The following DNAJC1 variants were observed in gnomAD, a reference collection of about 807,000 sequenced individuals.
DNAJC1 encodes dnaJ homolog subfamily C member 1.
Under a neutral mutation model 76.6 loss-of-function variants are expected in DNAJC1, and 58 were observed. The observed-to-expected ratio is 0.76, with a 90% CI of 0.61 to 0.94. DNAJC1 has a LOEUF of 0.94. Ranked by LOEUF, DNAJC1 falls within the 40% of genes least tolerant of loss-of-function variation. DNAJC1 has a pLI of 0.00. For missense variants in DNAJC1, 689 were observed against 677.3 expected (o/e 1.02, Z -0.19); for synonymous variants, 258 against 267.9 (o/e 0.96, Z 0.36).
intron 9 of DNAJC1, among the ~76,000 whole-genome samples, chr10:21,775,331 C>CTTTT (rs34444920): frequency 8.1e-5 from 4 of 49,660 alleles, no homozygotes; most frequent in South Asian, 2.4e-3. Flanking sequence ...CTGCAAATGG[C>CTTTT]TTTTTTTTTT....
chr10:21,895,360 G>A (rs1361100648), intron 7 of DNAJC1, among the ~76,000 whole-genome samples: 2 of 152,112 alleles, frequency 1.3e-5, no homozygotes, highest in African/African-American at 4.8e-5. Context: ...CTGGAAGAAG[G>A]GCCACCCTTG....
chr10:21,840,662 A>C (rs1185575022), intron 8 of DNAJC1, among the ~76,000 whole-genome samples: 5 of 152,342 alleles, frequency 3.3e-5, no homozygotes, highest in South Asian at 2.1e-4. Context: ...AATATCGTGA[A>C]AATGGCCATA....
At chr10:21,814,962 T>A (rs986090649) in intron 8 of DNAJC1, among the ~76,000 whole-genome samples, 5 of 152,204 alleles carry the variant, frequency 3.3e-5, no homozygotes, top group Non-Finnish European at 7.3e-5. Context: ...GGAAAGCAGA[T>A]GCTCTGGATT....
rs532905786 is a variant in DNAJC1, at chr10:21,843,748, T to C, written c.979-37649A>G. Among the ~76,000 whole-genome samples the C allele has an allele frequency of 7.2e-5, 11 of 151,986 alleles. No homozygotes were observed. The East Asian group carries it at 2.1e-3, about 29-fold the overall frequency. On this transcript the variant is annotated intron_variant, in intron 8 of 11. Transcript: ENST00000376980. ...TCAGAAATGATTTTACAATCTTTTT[T>C]TTTTTTTTTAAGAGGAAGTCTCACT...
At chr10:21,827,148 T>C (rs1345700884) in intron 8 of DNAJC1, among the ~76,000 whole-genome samples, 1 of 152,208 alleles carries the variant, frequency 6.6e-6, no homozygotes, top group East Asian at 1.9e-4. Context: ...ACGTTTTCAG[T>C]GTTACTTCAT....
At chr10:21,862,434 T>A (rs1189712621) in intron 8 of DNAJC1, among the ~76,000 whole-genome samples, 2 of 151,070 alleles carry the variant, frequency 1.3e-5, no homozygotes, top group East Asian at 3.9e-4. Flanking sequence ...TACATTTTTT[T>A]TTTTTTTTTT....
intron 9 of DNAJC1, among the ~76,000 whole-genome samples, chr10:21,768,253 T>A (rs2131619827): frequency 6.6e-6 from 1 of 152,380 alleles, no homozygotes; most frequent in East Asian, 1.9e-4. Flanking sequence ...TGTGCTATTA[T>A]ATTTTTCTAT....
chr10:21,838,960 T>C (rs1021511211), intron 8 of DNAJC1, among the ~76,000 whole-genome samples: 2 of 152,134 alleles, frequency 1.3e-5, no homozygotes, highest in African/African-American at 4.8e-5. Context: ...TCAAAACCGC[T>C]CAACTACATG....
intron 8 of DNAJC1, among the ~76,000 whole-genome samples, chr10:21,838,592 C>G (rs928291761): frequency 3.3e-5 from 5 of 152,008 alleles, no homozygotes; most frequent in African/African-American, 1.2e-4. Context: ...AAATCCCCCT[C>G]CATGAGAAAC....
At chr10:21,936,103 A>G (rs953054417) in intron 1 of DNAJC1, among the ~76,000 whole-genome samples, 3 of 152,218 alleles carry the variant, frequency 2.0e-5, no homozygotes, top group African/African-American at 7.2e-5. Flanking sequence ...ATGTGATGGT[A>G]TTAAGAGGTG....
intron 7 of DNAJC1, among the ~76,000 whole-genome samples, chr10:21,891,478 A>AAAAAAAAAAAAAAAAAAAAAAAT (rs1836461876): frequency 7.0e-6 from 1 of 141,958 alleles, no homozygotes; most frequent in African/African-American, 2.7e-5. Flanking sequence ...AAAGTAGACA[A>AAAAAAAAAAAAAAAAAAAAAAAT]AAAAAAAAAA....
chr10:21,873,446 A>G (rs1836136802), intron 8 of DNAJC1, among the ~76,000 whole-genome samples: 1 of 152,220 alleles, frequency 6.6e-6, no homozygotes, highest in South Asian at 2.1e-4. Context: ...GATGAAGGCC[A>G]GCAGGTAATA....
chr10:21,879,339 A>G (rs1836234734), intron 8 of DNAJC1, among the ~76,000 whole-genome samples: 1 of 152,194 alleles, frequency 6.6e-6, no homozygotes, highest in Non-Finnish European at 1.5e-5. Context: ...AAAGTTGTTT[A>G]TAAGCCAGGC....
intron 9 of DNAJC1, among the ~76,000 whole-genome samples, chr10:21,801,134 A>G (rs1056031869): frequency 6.6e-6 from 1 of 152,208 alleles, no homozygotes; most frequent in African/African-American, 2.4e-5. Context: ...AAATAAAAGT[A>G]TATTTAAATG....
intron 8 of DNAJC1, among the ~76,000 whole-genome samples, chr10:21,864,336 T>C (rs1299257981): frequency 1.3e-5 from 2 of 151,714 alleles, no homozygotes; most frequent in African/African-American, 4.8e-5. Context: ...ATAAAACTTC[T>C]AGAGGCCAGG....
intron 1 of DNAJC1, among the ~76,000 whole-genome samples, chr10:21,957,779 TATC>T (rs1428746387): frequency 6.6e-6 from 1 of 152,188 alleles, no homozygotes; most frequent in Non-Finnish European, 1.5e-5. Flanking sequence ...CAGAAGTAAT[TATC>T]ATCAGTTTGG....
At chr10:21,999,215 C>A (rs1319114879) in intron 1 of DNAJC1, among the ~76,000 whole-genome samples, 1 of 152,212 alleles carries the variant, frequency 6.6e-6, no homozygotes, top group Non-Finnish European at 1.5e-5. Context: ...GAACTCACCA[C>A]TTCACCAAAA....
At chr10:21,950,374 A>G (rs939274168) in intron 1 of DNAJC1, among the ~76,000 whole-genome samples, 1 of 152,156 alleles carries the variant, frequency 6.6e-6, no homozygotes, top group Non-Finnish European at 1.5e-5. Context: ...TGTCTATATA[A>G]ATTGGTAAAT....
At chr10:21,892,946 CT>C (rs1342707065) in intron 7 of DNAJC1, among the ~76,000 whole-genome samples, 13 of 152,096 alleles carry the variant, frequency 8.5e-5, no homozygotes, top group Non-Finnish European at 1.5e-4. Flanking sequence ...CCAATACCCC[CT>C]CTCAATAATT....
Sources: allele counts gnomAD v4.1 joint callset (sites outside exome capture counted in the v4.1 genomes callset), GRCh38; gene constraint gnomAD v4.1.1; transcripts MANE v1.5; gene names NCBI Gene and HGNC (gene_info 2026-07-23, HGNC 2026-07-21).